Variants in ADAMTS10 observed in about 807,000 individuals in gnomAD.
The protein encoded by ADAMTS10 is ADAM metallopeptidase with thrombospondin type 1 motif 10.
In ADAMTS10, 48 loss-of-function variants were observed where a neutral mutation model predicts 135.9. The observed-to-expected ratio is 0.35, with a 90% CI of 0.28 to 0.45. ADAMTS10 has a LOEUF of 0.45. Among genes scored for constraint, ADAMTS10 ranks in the 20% least tolerant of loss-of-function variants. The pLI is 1.00. For missense variants in ADAMTS10, 1,131 were observed against 1,565.2 expected, an observed-to-expected ratio of 0.72 and a Z score of 4.68; for synonymous variants, 621 against 647.5, an observed-to-expected ratio of 0.96 and a Z score of 0.62.
chr19:8,586,199 G>C lies in ADAMTS10; in HGVS notation c.2583C>G (p.Val861=), dbSNP rs782073089. 2 of 1,612,804 alleles carry C rather than the reference G, an allele frequency of 1.2e-6. No homozygotes were observed. The highest frequency in any genetic ancestry group is 1.7e-6 in the Non-Finnish European group (2 of 1,179,968). Residue 861 remains valine, a synonymous_variant, in exon 22 of 26, where the codon GTC becomes GTG. Coordinates refer to ENST00000597188, the MANE Select transcript of ADAMTS10 (RefSeq NM_030957.4). ...TGTGGGCACTGCAGTAGTGGGGGGC[G>C]ACCGCGGAGCTGTCCAGCTGGTTGC... The part of the protein sequence containing the change: ...ECRNQLDSSA[V]APHYCSAHSK...
At chr19:8,598,307 C>A (rs188142944) in intron 6 of ADAMTS10, among the ~76,000 whole-genome samples, 6 of 152,156 alleles carry the variant, frequency 3.9e-5, no homozygotes, top group African/African-American at 1.2e-4. Context: ...TGCTTACCCC[C>A]CTGACTGCCT....
Position 8,585,697 on chromosome 19 carries a change from G to T in ADAMTS10, c.2661-37C>A, listed in dbSNP as rs73501568. On this transcript the variant is annotated intron_variant, in intron 22 of 25. Transcript: ENST00000597188. The stretch of plus-strand genomic sequence containing the variant: ...GAAGGGGTCTGAGCAAGTAAGCAGG[G>T]CAGGGGGTCCCAACACAACAGCAGG... 1.0e-3 allele frequency: 1,664 copies of T among 1,599,184 alleles called. 18 individuals are homozygous for T. In the African/African-American group the frequency reaches 0.02, roughly 19 times the overall value.
Position 8,585,073 on chromosome 19 carries a change from C to G in ADAMTS10, c.3043-19G>C. Reference sequence around the variant, plus strand: ...CAGAGCACTGCGAGGGGGCACCACTCAGTTGCTGCCCCGCAGCCCCTGCCC... The same window carrying G: ...CAGAGCACTGCGAGGGGGCACCACTGAGTTGCTGCCCCGCAGCCCCTGCCC... On this transcript the variant is annotated intron_variant, in intron 24 of 25. Transcript: ENST00000597188. 6.6e-7 allele frequency: 1 copy of G among 1,510,588 alleles called. No homozygotes were observed. The highest frequency in any genetic ancestry group is 8.8e-7 in the Non-Finnish European group (1 of 1,132,020). 93.6% of individuals were successfully genotyped at this position (1,510,588 alleles called of 1,614,324 possible). A position where few individuals can be genotyped will look rare whatever the true frequency, so the allele number is the denominator to read the frequency against.
Position 8,605,950 on chromosome 19 carries a change from C to T in ADAMTS10, c.-99-141G>A, listed in dbSNP as rs1374463083. On this transcript the variant is annotated intron_variant, in intron 2 of 25. Transcript: ENST00000597188. The surrounding 1 kb of genome is among the most constrained non-coding windows in gnomAD (Gnocchi z 7.7). ...TCTCACTCAGTCACTCCCCTCTCCC[C>T]ACCTCCCCTTCCAATCCTTCCTACA... The T allele has an allele frequency of 6.2e-6, 5 of 800,894 alleles. No individual in the cohort carries two copies. The highest frequency in any genetic ancestry group is 3.5e-5 in the African/African-American group (2 of 57,468). The allele number at this position is 800,894 out of a possible 1,614,324, so 49.6% of individuals were successfully genotyped here. A position where few individuals can be genotyped will look rare whatever the true frequency, so the allele number is the denominator to read the frequency against.
chr19:8,581,669 T>C (rs902443367), intron 25 of ADAMTS10, among the ~76,000 whole-genome samples: 14 of 151,856 alleles, frequency 9.2e-5, no homozygotes. Flanking sequence ...ACCCCATCTC[T>C]ACTAAAAATA....
Position 8,597,226 on chromosome 19 carries a change from C to CTGGT in ADAMTS10, c.894+7_894+8insACCA. The CTGGT allele has an allele frequency of 6.2e-7, 1 of 1,614,040 alleles. No homozygotes were observed. The highest frequency in any genetic ancestry group is 8.5e-7 in the Non-Finnish European group (1 of 1,179,998). ...AGGGGAAGGGGAAGGGGAGGAAGTC[C>CTGGT]CCCGCACCTGGTCCTCCGTGAGCAG... On this transcript the variant is annotated splice_region_variant and intron_variant, in intron 7 of 25. Coordinates refer to ENST00000597188, the MANE Select transcript of ADAMTS10 (RefSeq NM_030957.4).
intron 12 of ADAMTS10, 118 bp from the exon 13 acceptor site, chr19:8,592,988 G>A: frequency 3.3e-6 from 3 of 912,090 alleles, no homozygotes; most frequent in Non-Finnish European, 5.2e-6. Context: ...AGAGAGCCCG[G>A]TGCTCCCTTC....
chr19:8,580,846 T>TGGC lies in ADAMTS10; in HGVS notation c.*44_*46dup. The TGGC allele has an allele frequency of 6.7e-7, 1 of 1,482,668 alleles. No homozygotes were observed. Among genetic ancestry groups the TGGC allele is most frequent in the Non-Finnish European group, 9.2e-7 (1 of 1,086,294 alleles). 91.8% of individuals were successfully genotyped at this position (1,482,668 alleles called of 1,614,324 possible). A position where few individuals can be genotyped will look rare whatever the true frequency, so the allele number is the denominator to read the frequency against. On this transcript the variant is annotated 3_prime_UTR_variant, in exon 26 of 26. Coordinates refer to ENST00000597188, the MANE Select transcript of ADAMTS10 (RefSeq NM_030957.4). ...CCCTCTGGCCGGCCCGCTGCAGGGC[T>TGGC]GGCGGCGGAGACCCCGCCAGCTGTG... is the stretch of plus-strand genomic sequence containing the variant.
chr19:8,595,875 G>T lies in ADAMTS10; in HGVS notation c.1366C>A (p.Arg456=). 6.2e-7 allele frequency: 1 copy of T among 1,614,186 alleles called. No individual in the cohort carries two copies. Among genetic ancestry groups the T allele is most frequent in the Non-Finnish European group, 8.5e-7 (1 of 1,180,034 alleles). The change falls in exon 12 of 26, where the codon CGG becomes AGG. Residue 456 remains arginine (R), a synonymous_variant. Transcript: ENST00000597188. ...TACACAAAGTCCTGTCTGGGGGGCC[G>T]GTTGTTCAGGCAGAGCCCCAGGCCC... is the stretch of plus-strand genomic sequence containing the variant. ...DSGLGLCLNN[R]PPRQDFVYPT... is the part of the protein sequence containing the mutation.
Position 8,592,752 on chromosome 19 carries a change from C to G in ADAMTS10, c.1587+11G>C. The stretch of plus-strand genomic sequence containing the variant: ...GGCGTGGCCCAGTTGGGGGCCCTGG[C>G]CGGCGCTCACCCCCTTGTCGATGGT... On this transcript the variant is annotated intron_variant, in intron 13 of 25. Coordinates refer to ENST00000597188, the MANE Select transcript of ADAMTS10 (RefSeq NM_030957.4). 2 of 1,606,920 alleles carry G rather than the reference C, an allele frequency of 1.2e-6. No homozygotes were observed. Among genetic ancestry groups the G allele is most frequent in the African/African-American group, 1.3e-5 (1 of 75,036 alleles).
intron 12 of ADAMTS10, 64 bp downstream of exon 12, chr19:8,595,698 T>TCCCAG: frequency 5.4e-6 from 7 of 1,291,948 alleles, no homozygotes; most frequent in Non-Finnish European, 7.5e-6. Flanking sequence ...CTGGTGGAGT[T>TCCCAG]CCCTCCCCCA....
At position 8,609,639 on chromosome 19, in the gene ADAMTS10, C is replaced by T. The variant is rs78127325; in HGVS notation, c.-215+1005G>A. The stretch of plus-strand genomic sequence containing the variant: ...GGGGCCTGCGGGAGGAGGGGGCCGG[C>T]GCCCGGGCTGGTCCCCCACAACCGG... On this transcript the variant is annotated intron_variant, in intron 1 of 25. Coordinates refer to ENST00000597188, the MANE Select transcript of ADAMTS10 (RefSeq NM_030957.4). Among the ~76,000 whole-genome samples the T allele has an allele frequency of 7.2e-5, 11 of 152,188 alleles. No homozygotes were observed. In the East Asian group the frequency reaches 1.6e-3, roughly 22 times the overall value.
chr19:8,606,219 C>T (rs1360799808), intron 2 of ADAMTS10, among the ~76,000 whole-genome samples: 1 of 152,174 alleles, frequency 6.6e-6, no homozygotes, highest in Non-Finnish European at 1.5e-5. Context: ...AGCCACCACA[C>T]CTGGCTAATG....
At chr19:8,593,685 C>A (rs577967237) in intron 12 of ADAMTS10, among the ~76,000 whole-genome samples, 6 of 152,278 alleles carry the variant, frequency 3.9e-5, no homozygotes, top group African/African-American at 1.4e-4. Flanking sequence ...GAAGCAAAAT[C>A]TCTGACCCTC....
At chr19:8,584,154 C>CAAAAAAAAAAAAAAAAAAAAAAAT (rs34412373) in intron 25 of ADAMTS10, among the ~76,000 whole-genome samples, 1 of 44,892 alleles carries the variant, frequency 2.2e-5, no homozygotes, top group African/African-American at 9.1e-5. Context: ...GACTCCATCT[C>CAAAAAAAAAAAAAAAAAAAAAAAT]AAAAAAAAAA....
intron 12 of ADAMTS10, among the ~76,000 whole-genome samples, chr19:8,594,887 T>TG (rs1227170228): frequency 3.3e-4 from 50 of 152,192 alleles, no homozygotes; most frequent in African/African-American, 1.2e-3. Context: ...GTTAGGATGT[T>TG]GGGGGGTGTC....
At chr19:8,606,797 T>C (rs1244783466) in intron 2 of ADAMTS10, among the ~76,000 whole-genome samples, 1 of 152,164 alleles carries the variant, frequency 6.6e-6, no homozygotes, top group African/African-American at 2.4e-5. Flanking sequence ...CAGCCAGGCA[T>C]GCTAAGGATA....
At position 8,585,212 on chromosome 19, in the gene ADAMTS10, C is replaced by G; in HGVS notation, c.2962G>C (p.Ala988Pro). 2.1e-6 allele frequency: 3 copies of G among 1,426,252 alleles called. No homozygotes were observed. Among genetic ancestry groups the G allele is most frequent in the Non-Finnish European group, 2.7e-6 (3 of 1,093,390 alleles). 88.3% of individuals were successfully genotyped at this position (1,426,252 alleles called of 1,614,324 possible). A position where few individuals can be genotyped will look rare whatever the true frequency, so the allele number is the denominator to read the frequency against. Residue 988 changes from alanine (A) to proline (P), a missense_variant, in exon 24 of 26, where the codon GCC (alanine) becomes CCC (proline). This residue lies in a region of ADAMTS10 where 745 missense variants were observed against 1,056.3 expected (regional missense o/e 0.71). Transcript: ENST00000597188. Reference sequence around the variant, plus strand: ...CGCATGGTGGCCGGTGGCTTGGCGGCGGGTGAGCAGTGCGCCGGGGGCAGC... The same window carrying G: ...CGCATGGTGGCCGGTGGCTTGGCGGGGGGTGAGCAGTGCGCCGGGGGCAGC... The part of the protein sequence containing the change: ...ATLPPAHCSP[A>P]AKPPATMRCN...
intron 6 of ADAMTS10, among the ~76,000 whole-genome samples, chr19:8,598,953 C>T (rs1555740881): frequency 2.6e-5 from 4 of 152,064 alleles, no homozygotes; most frequent in Non-Finnish European, 4.4e-5. Flanking sequence ...AGAGACGACA[C>T]TACACAACAT....
Sources: allele counts gnomAD v4.1 joint callset (sites outside exome capture counted in the v4.1 genomes callset), GRCh38; gene constraint gnomAD v4.1.1; regional missense constraint gnomAD v4.1.1; non-coding constraint Gnocchi (gnomAD v3.1); transcripts MANE v1.5; gene names NCBI Gene and HGNC (gene_info 2026-07-23, HGNC 2026-07-21).